The following FCF1 variants were observed in gnomAD, a reference collection of about 807,000 sequenced individuals.
The protein encoded by FCF1 is rRNA-processing protein FCF1 homolog.
FCF1 carries 17 observed loss-of-function variants against 32.5 expected under a neutral mutation model. The ratio of observed to expected loss-of-function variants is 0.52; its 90% CI spans 0.36 to 0.78. FCF1 has a LOEUF of 0.78. FCF1 is among the 30% of genes least tolerant of loss of function. The pLI, the probability that FCF1 is intolerant of heterozygous loss-of-function variation, is 0.00. For missense variants in FCF1, 201 were observed against 241.1 expected (o/e 0.83, Z 1.10); for synonymous variants, 84 against 78.4 (o/e 1.07, Z -0.38).
Position 74,716,102 on chromosome 14 carries a change from G to A in FCF1, c.292+3G>A, listed in dbSNP as rs766798314. ...GATGGACTGTCTGTATGCCAAGTGT[G>A]AGTATCATACTTTTATGTTTCCGTG... On this transcript the variant is annotated splice_donor_region_variant and intron_variant, in intron 4 of 7. Coordinates refer to ENST00000341162, the MANE Select transcript of FCF1 (RefSeq NM_015962.5). 6 of 1,612,886 alleles carry A rather than the reference G, an allele frequency of 3.7e-6. No homozygotes were observed. The highest frequency in any genetic ancestry group is 5.1e-6 in the Non-Finnish European group (6 of 1,179,034).
rs2090712064 is a variant in FCF1 at position 74,736,786 on chromosome 14, A to C, written c.*1856A>C. 6.6e-6 allele frequency: 1 copy of C among 152,234 alleles called. No homozygotes were observed. Among genetic ancestry groups the C allele is most frequent in the African/African-American group, 2.4e-5 (1 of 41,456 alleles). The allele number at this position is 152,234 out of a possible 1,614,324, so 9.4% of individuals were successfully genotyped here. A position where few individuals can be genotyped will look rare whatever the true frequency, so the allele number is the denominator to read the frequency against. On this transcript the variant is annotated 3_prime_UTR_variant, in exon 8 of 8. Coordinates refer to ENST00000341162, the MANE Select transcript of FCF1 (RefSeq NM_015962.5). ...ATACTGACTTACTCAATAAACATTT[A>C]TTAAATGTATACTAGGTGCTTAATA...
At chr14:74,721,322 C>T (rs1258248590) in intron 4 of FCF1, among the ~76,000 whole-genome samples, 4 of 152,084 alleles carry the variant, frequency 2.6e-5, no homozygotes, top group African/African-American at 4.8e-5. Flanking sequence ...GCTGAGATTA[C>T]GGGCATGAGC....
At chr14:74,725,283 G>A (rs1412413101) in intron 5 of FCF1, among the ~76,000 whole-genome samples, 3 of 151,360 alleles carry the variant, frequency 2.0e-5, no homozygotes, top group East Asian at 2.0e-4. Context: ...TTGAGGTCAG[G>A]AGTGATCCTC....
In FCF1 at chr14:74,713,173, G is replaced by A. The variant is rs868202172; in HGVS notation, c.-25G>A. 6.2e-7 allele frequency: 1 copy of A among 1,614,228 alleles called. No homozygotes were observed. Among genetic ancestry groups the A allele is most frequent in the Non-Finnish European group, 8.5e-7 (1 of 1,180,046 alleles). On this transcript the variant is annotated 5_prime_UTR_variant, in exon 1 of 8. Transcript: ENST00000341162. ...AAGTATTGCGCCGTTGGTGATTACG[G>A]AAGAACCAGGAGTTTGGCGTGACCA... is the stretch of plus-strand genomic sequence containing the variant.
At position 74,723,287 on chromosome 14, in the gene FCF1, C is replaced by T. The variant is rs376747411; in HGVS notation, c.308C>T (p.Thr103Ile). 6.2e-7 allele frequency: 1 copy of T among 1,613,078 alleles called. No homozygotes were observed. Among genetic ancestry groups the T allele is most frequent in the African/African-American group, 1.3e-5 (1 of 74,838 alleles). Reference protein sequence around the residue: ...CLYAKCIPCITDCVMAEIEKL... With the variant: ...CLYAKCIPCIIDCVMAEIEKL... ...TCCCTGGCAGGTATCCCATGTATAA[C>T]CGATTGTGTAATGGCTGAAATTGAG... Residue 103 changes from threonine to isoleucine, a missense_variant, in exon 5 of 8, where the codon ACC becomes ATC. Physicochemically the swap from Thr to Ile is moderately conservative, Grantham distance 89. Transcript: ENST00000341162.
intron 4 of FCF1, among the ~76,000 whole-genome samples, chr14:74,719,158 C>A (rs2090463810): frequency 1.4e-5 from 2 of 141,506 alleles, no homozygotes; most frequent in Admixed American, 7.1e-5. Flanking sequence ...AAAAAGCATG[C>A]ATCGTGGCAT....
intron 4 of FCF1, among the ~76,000 whole-genome samples, chr14:74,718,351 G>C (rs1480185423): frequency 6.6e-6 from 1 of 152,098 alleles, no homozygotes; most frequent in East Asian, 1.9e-4. Flanking sequence ...CCCTTTCCTT[G>C]TAGTGGTTTT....
rs777967736 is a variant in FCF1 at position 74,713,530 on chromosome 14, C to T, written c.49C>T (p.Leu17Phe). ...TRKYATMKRM[L>F]SLRDQRLKEK... ...GAAGTATGCGACCATGAAGCGAATG[C>T]TTAGTCTCAGAGATCAGAGGCTGTG... Residue 17 changes from leucine to phenylalanine, a missense_variant, in exon 2 of 8, where the codon CTT (leucine) becomes TTT (phenylalanine). Physicochemically the swap from Leu to Phe is conservative, Grantham distance 22. Coordinates refer to ENST00000341162, the MANE Select transcript of FCF1 (RefSeq NM_015962.5). 4 of 1,612,248 alleles carry T rather than the reference C, an allele frequency of 2.5e-6. No individual in the cohort carries two copies. The highest frequency in any genetic ancestry group is 2.2e-5 in the South Asian group (2 of 91,000).
chr14:74,732,864 ATG>A, intron 6 of FCF1, 46 bp downstream of exon 6: 4 of 1,077,272 alleles, frequency 3.7e-6, no homozygotes, highest in Non-Finnish European at 5.6e-6. Flanking sequence ...AAAAAAAAAA[ATG>A]TAAACTATTA....
intron 5 of FCF1, among the ~76,000 whole-genome samples, chr14:74,729,116 T>A (rs948125519): frequency 2.6e-5 from 4 of 152,224 alleles, no homozygotes; most frequent in South Asian, 2.1e-4. Context: ...GCTGGCCTCA[T>A]AAAATGAGTT....
intron 5 of FCF1, among the ~76,000 whole-genome samples, chr14:74,725,124 T>C (rs2090559016): frequency 6.7e-6 from 1 of 149,898 alleles, no homozygotes; most frequent in Non-Finnish European, 1.5e-5. Context: ...ACTATTGGAG[T>C]CAAGTATTGG....
chr14:74,715,222 C>T (rs117269119), intron 3 of FCF1, among the ~76,000 whole-genome samples: 1 of 152,098 alleles, frequency 6.6e-6, no homozygotes, highest in Non-Finnish European at 1.5e-5. Context: ...CATTGTTTAA[C>T]ACACCAGCAG....
chr14:74,720,901 C>G (rs1474655847), intron 4 of FCF1, among the ~76,000 whole-genome samples: 1 of 141,760 alleles, frequency 7.1e-6, no homozygotes, highest in Non-Finnish European at 1.5e-5. Flanking sequence ...TTTTTTGAGA[C>G]AGGCTGTCAC....
At chr14:74,727,313 A>G (rs1376342135) in intron 5 of FCF1, among the ~76,000 whole-genome samples, 1 of 151,194 alleles carries the variant, frequency 6.6e-6, no homozygotes, top group East Asian at 1.9e-4. Context: ...CTGGTGTGAG[A>G]TGGTATCTCA....
Position 74,734,960 on chromosome 14 carries a change from C to T in FCF1, c.*30C>T. On this transcript the variant is annotated 3_prime_UTR_variant, in exon 8 of 8. Coordinates refer to ENST00000341162, the MANE Select transcript of FCF1 (RefSeq NM_015962.5). ...TACAAGACACAGTTCCTCTGCCTTTCTTCGACCAACTTTCTCTTGTTGCCA... is the reference window on the plus strand; with the variant it reads ...TACAAGACACAGTTCCTCTGCCTTTTTTCGACCAACTTTCTCTTGTTGCCA... 1 of 1,582,624 alleles carries T rather than the reference C, an allele frequency of 6.3e-7. No homozygotes were observed. The highest frequency in any genetic ancestry group is 1.1e-5 in the South Asian group (1 of 90,236).
intron 2 of FCF1, 69 bp from the exon 3 acceptor site, chr14:74,714,803 A>C: frequency 1.4e-6 from 2 of 1,470,596 alleles, no homozygotes; most frequent in South Asian, 2.7e-5. Flanking sequence ...ATGGAACTTT[A>C]GATTTTTGAG....
At chr14:74,721,453 C>T (rs2090502362) in intron 4 of FCF1, among the ~76,000 whole-genome samples, 1 of 152,196 alleles carries the variant, frequency 6.6e-6, no homozygotes, top group African/African-American at 2.4e-5. Flanking sequence ...ATAATCCCAT[C>T]ATTTTGGGAG....
At chr14:74,722,441 C>T (rs967944992) in intron 4 of FCF1, among the ~76,000 whole-genome samples, 1 of 152,136 alleles carries the variant, frequency 6.6e-6, no homozygotes, top group South Asian at 2.1e-4. Flanking sequence ...CAAATGTTGG[C>T]TTTACCATTT....
At chr14:74,716,505 G>A (rs2090422638) in intron 4 of FCF1, among the ~76,000 whole-genome samples, 1 of 152,186 alleles carries the variant, frequency 6.6e-6, no homozygotes, top group Admixed American at 6.5e-5. Flanking sequence ...TGCCATTTAT[G>A]ATCACAGCCC....
Sources: gnomAD v4.1 joint callset for allele counts (sites outside exome capture counted in the v4.1 genomes callset) on GRCh38, gnomAD v4.1.1 for gene constraint, MANE v1.5 for transcripts, NCBI Gene and HGNC (gene_info 2026-07-23, HGNC 2026-07-21) for gene names.